Variants in DLGAP2 observed in about 807,000 individuals in gnomAD.
DLGAP2 encodes disks large-associated protein 2.
Under a neutral mutation model 100.3 loss-of-function variants are expected in DLGAP2, and 26 were observed. The observed-to-expected ratio is 0.26, with a 90% CI of 0.19 to 0.36. The LOEUF is 0.36. Among genes scored for constraint, DLGAP2 ranks in the 10% least tolerant of loss-of-function variants. The probability of loss-of-function intolerance (pLI) is 1.00; values close to 1 mark genes in which losing one functional copy is unlikely to be tolerated. For missense variants in DLGAP2, 1,858 were observed against 1,453.2 expected, an observed-to-expected ratio of 1.28 and a Z score of -4.53; for synonymous variants, 886 against 630.1, an observed-to-expected ratio of 1.41 and a Z score of -6.08.
At chr8:1,544,921 T>TG (rs1368155284) in intron 4 of DLGAP2, among the ~76,000 whole-genome samples, 3 of 151,950 alleles carry the variant, frequency 2.0e-5, no homozygotes, top group African/African-American at 7.2e-5. Flanking sequence ...TTAGTAGAGA[T>TG]GGGGTTTCAC....
intron 2 of DLGAP2, among the ~76,000 whole-genome samples, chr8:1,184,513 T>C (rs2116709913): frequency 6.6e-6 from 1 of 152,342 alleles, no homozygotes; most frequent in East Asian, 1.9e-4. Flanking sequence ...CACGCGCTGT[T>C]CTCAGGGCAG....
intron 1 of DLGAP2, among the ~76,000 whole-genome samples, chr8:887,803 C>A (rs199552800): frequency 3.4e-4 from 52 of 152,230 alleles, no homozygotes; most frequent in African/African-American, 1.2e-3. Flanking sequence ...CTGCCCTTAA[C>A]GTTTTTTTCT....
At chr8:1,087,333 G>C (rs557812917) in intron 2 of DLGAP2, among the ~76,000 whole-genome samples, 234 of 152,264 alleles carry the variant, frequency 1.5e-3, no homozygotes, top group African/African-American at 5.4e-3. Flanking sequence ...TTCATCCGCT[G>C]TGTCCTCCAG....
In DLGAP2 at chr8:1,247,256, G is replaced by A. The variant is rs796129840; in HGVS notation, c.74-11595G>A. On this transcript the variant is annotated intron_variant, in intron 2 of 14. Transcript: ENST00000637795. ...CGTCGGTGGCCGGGAAGACCTTTGA[G>A]ATCAGTGTGGGAGTGAGATGGTCCA... Among the ~76,000 whole-genome samples the A allele has an allele frequency of 3.2e-3, 365 of 114,420 alleles. 18 individuals are homozygous for A. Among genetic ancestry groups the A allele is most frequent in the South Asian group, 6.2e-3 (20 of 3,248 alleles). The allele number at this position is 114,420 out of a possible 152,430, so 75.1% of individuals were successfully genotyped here.
At chr8:1,178,252 T>C (rs1408631752) in intron 2 of DLGAP2, among the ~76,000 whole-genome samples, 2 of 152,244 alleles carry the variant, frequency 1.3e-5, no homozygotes, top group Non-Finnish European at 2.9e-5. Context: ...TACCACGTGA[T>C]AGCATTTGGT....
chr8:1,065,052 C>A (rs1803203662), intron 2 of DLGAP2, among the ~76,000 whole-genome samples: 1 of 152,216 alleles, frequency 6.6e-6, no homozygotes, highest in Non-Finnish European at 1.5e-5. Flanking sequence ...TGATTCCCAC[C>A]CACCAAACAG....
Position 927,365 on chromosome 8 carries a change from G to T in DLGAP2, c.73+19399G>T, listed in dbSNP as rs1377116774. On this transcript the variant is annotated intron_variant, in intron 2 of 14. Coordinates refer to ENST00000637795, the MANE Select transcript of DLGAP2 (RefSeq NM_001346810.2). ...TGACCGTGACTGTAGCACTTTGTGG[G>T]GGTGTGTTTAAAACGTTCTGGTCCC... Among the ~76,000 whole-genome samples the T allele has an allele frequency of 2.6e-5, 4 of 152,126 alleles. No homozygotes were observed. In the East Asian group the frequency reaches 5.8e-4, roughly 22 times the overall value.
intron 2 of DLGAP2, among the ~76,000 whole-genome samples, chr8:1,064,649 G>C (rs1289070859): frequency 3.9e-5 from 6 of 152,146 alleles, no homozygotes; most frequent in Admixed American, 2.6e-4. Context: ...TAGTAAATTT[G>C]ACATTCTCTA....
chr8:1,389,601 A>T (rs1236557044), intron 3 of DLGAP2, among the ~76,000 whole-genome samples: 2 of 152,154 alleles, frequency 1.3e-5, no homozygotes, highest in Non-Finnish European at 2.9e-5. Context: ...CACCAGGCTC[A>T]GCAGCTTGGA....
chr8:1,273,195 AG>A (rs1370552279), intron 3 of DLGAP2, among the ~76,000 whole-genome samples: 1 of 152,156 alleles, frequency 6.6e-6, no homozygotes, highest in African/African-American at 2.4e-5. Flanking sequence ...GTTAGTCTAC[AG>A]GGGGGCCCTC....
At chr8:1,267,613 T>TAAAAAAAA in intron 3 of DLGAP2, among the ~76,000 whole-genome samples, 1 of 93,434 alleles carries the variant, frequency 1.1e-5, no homozygotes, top group Non-Finnish European at 2.0e-5. Flanking sequence ...TAAGATAAGA[T>TAAAAAAAA]AAGATAAGAT....
intron 2 of DLGAP2, among the ~76,000 whole-genome samples, chr8:1,028,694 G>A (rs905743438): frequency 7.9e-5 from 12 of 152,250 alleles, no homozygotes; most frequent in Non-Finnish European, 1.8e-4. Flanking sequence ...AGACAAAGGA[G>A]GCTGGTGGAG....
intron 2 of DLGAP2, among the ~76,000 whole-genome samples, chr8:1,241,143 C>G (rs1282719574): frequency 3.8e-5 from 5 of 131,026 alleles, no homozygotes; most frequent in Non-Finnish European, 1.6e-5. Flanking sequence ...CTAGTTCTCT[C>G]ACGTGGTGCC....
chr8:814,897 C>G (rs925946388), intron 1 of DLGAP2, among the ~76,000 whole-genome samples: 10 of 150,436 alleles, frequency 6.6e-5, no homozygotes, highest in Middle Eastern at 3.5e-3. Context: ...CATTATAGCC[C>G]TTGAAATGAA....
At chr8:1,061,042 C>T (rs372788792) in intron 2 of DLGAP2, among the ~76,000 whole-genome samples, 7 of 152,222 alleles carry the variant, frequency 4.6e-5, no homozygotes, top group South Asian at 2.1e-4. Context: ...AGTTCCCCCA[C>T]GTGGGCAGAG....
chr8:1,630,702 GAA>G (rs753113277), intron 7 of DLGAP2, among the ~76,000 whole-genome samples: 2 of 136,726 alleles, frequency 1.5e-5, no homozygotes. Context: ...ACTCCATCTC[GAA>G]AAAAAAAAAA....
intron 2 of DLGAP2, among the ~76,000 whole-genome samples, chr8:1,041,415 C>T (rs551268715): frequency 1.3e-5 from 2 of 152,356 alleles, no homozygotes; most frequent in East Asian, 3.9e-4. Context: ...CGGGAGGAGA[C>T]AGAGCCTGTT....
At chr8:1,046,938 T>G (rs1291568352) in intron 2 of DLGAP2, among the ~76,000 whole-genome samples, 1 of 135,960 alleles carries the variant, frequency 7.4e-6, no homozygotes, top group African/African-American at 2.7e-5. Flanking sequence ...GCATCCTTTT[T>G]TTGTTGTTTT....
chr8:1,116,563 A>G (rs138329491), intron 2 of DLGAP2, among the ~76,000 whole-genome samples: 260 of 152,282 alleles, frequency 1.7e-3, no homozygotes, highest in East Asian at 5.6e-3. Context: ...AGGGAGGCCA[A>G]TGTGAGTGAA....
Sources: allele counts gnomAD v4.1 joint callset (sites outside exome capture counted in the v4.1 genomes callset), GRCh38; gene constraint gnomAD v4.1.1; transcripts MANE v1.5; gene names NCBI Gene and HGNC (gene_info 2026-07-23, HGNC 2026-07-21).